Variants in KCTD1 observed in about 807,000 individuals in gnomAD.
KCTD1 encodes potassium channel tetramerization domain containing 1, also known as BTB/POZ domain-containing protein KCTD1.
In KCTD1, 24 loss-of-function variants were observed where a neutral mutation model predicts 66.0. That is an observed-to-expected ratio of 0.36 (90% CI 0.26 to 0.51). The LOEUF is 0.51. Among genes scored for constraint, KCTD1 ranks in the 20% least tolerant of loss-of-function variants. The pLI is 0.95. For missense variants in KCTD1, 943 were observed against 1,205.2 expected, an observed-to-expected ratio of 0.78 and a Z score of 3.22; for synonymous variants, 511 against 517.2, an observed-to-expected ratio of 0.99 and a Z score of 0.16.
intron 2 of KCTD1, among the ~76,000 whole-genome samples, chr18:26,495,492 AAAT>A (rs1254238933): frequency 6.6e-6 from 1 of 152,118 alleles, no homozygotes; most frequent in African/African-American, 2.4e-5. Flanking sequence ...CTAAAGCTCC[AAAT>A]ACACACACCC....
chr18:26,521,924 T>G (rs141890771), intron 1 of KCTD1, among the ~76,000 whole-genome samples: 2 of 152,310 alleles, frequency 1.3e-5, no homozygotes, highest in South Asian at 2.1e-4. Context: ...TTCACTAAAC[T>G]GTACACTTAA....
At chr18:26,499,930 C>A (rs1441129536) in intron 2 of KCTD1, among the ~76,000 whole-genome samples, 1 of 152,184 alleles carries the variant, frequency 6.6e-6, no homozygotes, top group Non-Finnish European at 1.5e-5. Context: ...TGGGGCAGAG[C>A]CAGGAGGGTT....
intron 1 of KCTD1, among the ~76,000 whole-genome samples, chr18:26,555,085 A>C (rs1261881091): frequency 6.6e-6 from 1 of 152,210 alleles, no homozygotes; most frequent in Non-Finnish European, 1.5e-5. Context: ...GGAAAAGGAG[A>C]TAAAGGTATG....
intron 1 of KCTD1, among the ~76,000 whole-genome samples, chr18:26,583,017 A>G (rs1441832919): frequency 1.3e-5 from 2 of 152,172 alleles, no homozygotes; most frequent in African/African-American, 4.8e-5. Context: ...ATTACAGGGA[A>G]TTTTCACTTT....
chr18:26,505,961 C>T (rs545642004), intron 1 of KCTD1, among the ~76,000 whole-genome samples: 4 of 152,140 alleles, frequency 2.6e-5, no homozygotes, highest in East Asian at 1.9e-4. Flanking sequence ...GTGCAGCTTC[C>T]GCTTCCCAGG....
chr18:26,633,350 C>G (rs1424253041), upstream of KCTD1, among the ~76,000 whole-genome samples: 1 of 151,844 alleles, frequency 6.6e-6, no homozygotes, highest in Non-Finnish European at 1.5e-5. Context: ...CTGTGGACAA[C>G]AAAACAAGAC....
chr18:26,590,469 A>T (rs1292963163), intron 1 of KCTD1, among the ~76,000 whole-genome samples: 3 of 152,170 alleles, frequency 2.0e-5, no homozygotes, highest in African/African-American at 7.2e-5. Flanking sequence ...AAGCATCCTA[A>T]GCAAATTGTG....
intron 2 of KCTD1, among the ~76,000 whole-genome samples, chr18:26,485,392 G>A (rs191386939): frequency 2.6e-5 from 4 of 152,350 alleles, no homozygotes; most frequent in Admixed American, 2.6e-4. Context: ...AAAGCACTGT[G>A]CGTGGCCTTG....
At chr18:26,489,988 T>C (rs1982110948) in intron 2 of KCTD1, among the ~76,000 whole-genome samples, 1 of 152,198 alleles carries the variant, frequency 6.6e-6, no homozygotes. Flanking sequence ...CGAAATACGA[T>C]GAAAAAACAG....
chr18:26,499,582 C>T (rs1229110814), intron 2 of KCTD1, among the ~76,000 whole-genome samples: 1 of 152,170 alleles, frequency 6.6e-6, no homozygotes, highest in African/African-American at 2.4e-5. Context: ...TTTCTTCTTT[C>T]CAACCTTCAC....
At chr18:26,505,117 T>C (rs1982963975) in intron 1 of KCTD1, among the ~76,000 whole-genome samples, 1 of 152,280 alleles carries the variant, frequency 6.6e-6, no homozygotes, top group African/African-American at 2.4e-5. Context: ...CCTGTCTTGA[T>C]AAGGAATCCT....
At chr18:26,649,542 T>C (rs80340814) in intron 1 of KCTD1, among the ~76,000 whole-genome samples, 6,812 of 152,222 alleles carry the variant, frequency 0.045, 202 homozygotes, top group South Asian at 0.075. Context: ...AGAGTCTTGC[T>C]CTGTCGCCCA....
At chr18:26,645,485 C>G (rs535266082) in intron 1 of KCTD1, among the ~76,000 whole-genome samples, 40 of 152,290 alleles carry the variant, frequency 2.6e-4, no homozygotes, top group African/African-American at 9.6e-4. Context: ...TCACTGCAGC[C>G]TCAACCTCTT....
At chr18:26,629,702 G>A (rs1258515647), upstream of KCTD1, among the ~76,000 whole-genome samples, 1 of 147,500 alleles carries the variant, frequency 6.8e-6, no homozygotes, top group Non-Finnish European at 1.5e-5. Context: ...CCCTGAGTTG[G>A]GAAAGAGATT....
chr18:26,508,104 C>T (rs1983139795), intron 1 of KCTD1, among the ~76,000 whole-genome samples: 1 of 152,154 alleles, frequency 6.6e-6, no homozygotes, highest in Admixed American at 6.5e-5. Flanking sequence ...CTTATTATTT[C>T]CTTTGATAGA....
intron 1 of KCTD1, among the ~76,000 whole-genome samples, chr18:26,522,796 AC>A (rs1334009454): frequency 6.6e-6 from 1 of 151,974 alleles, no homozygotes; most frequent in Non-Finnish European, 1.5e-5. Flanking sequence ...CAGCTTATTT[AC>A]CCTCTTCAAT....
chr18:26,558,943 A>G (rs1239582891), intron 1 of KCTD1, among the ~76,000 whole-genome samples: 1 of 151,838 alleles, frequency 6.6e-6, no homozygotes, highest in African/African-American at 2.4e-5. Context: ...AAAAAAAGAA[A>G]AAAAAAAGAG....
At chr18:26,493,086 T>G (rs1371879210) in intron 2 of KCTD1, among the ~76,000 whole-genome samples, 1 of 152,246 alleles carries the variant, frequency 6.6e-6, no homozygotes, top group Non-Finnish European at 1.5e-5. Flanking sequence ...GGATACAGGA[T>G]GAAACCTCCC....
chr18:26,568,603 G>T (rs1171625624), intron 1 of KCTD1, among the ~76,000 whole-genome samples: 1 of 152,086 alleles, frequency 6.6e-6, no homozygotes. Context: ...AGGTTGTGTA[G>T]ACAGTCATTT....
Sources: allele counts gnomAD v4.1 joint callset (sites outside exome capture counted in the v4.1 genomes callset), GRCh38; gene constraint gnomAD v4.1.1; transcripts MANE v1.5; gene names NCBI Gene and HGNC (gene_info 2026-07-23, HGNC 2026-07-21).